Variants in GABRG3 observed in about 807,000 individuals in gnomAD.
The protein encoded by GABRG3 is gamma-aminobutyric acid receptor subunit gamma-3.
A neutral mutation model predicts 48.8 loss-of-function variants in GABRG3; 25 were observed. The ratio of observed to expected loss-of-function variants is 0.51; its 90% CI spans 0.37 to 0.72. GABRG3 has a LOEUF of 0.72. Among genes scored for constraint, GABRG3 ranks in the 30% least tolerant of loss-of-function variants. GABRG3 has a pLI of 0.00. For missense variants in GABRG3, 394 were observed against 577.9 expected (o/e 0.68, Z 3.26); for synonymous variants, 227 against 217.6 (o/e 1.04, Z -0.38).
At chr15:27,114,491 C>T (rs1897608008) in intron 3 of GABRG3, among the ~76,000 whole-genome samples, 1 of 152,168 alleles carries the variant, frequency 6.6e-6, no homozygotes, top group Non-Finnish European at 1.5e-5. Context: ...TTGCTTTAAT[C>T]CATAACACAT....
At chr15:27,244,357 A>T (rs570799439) in intron 3 of GABRG3, among the ~76,000 whole-genome samples, 2 of 152,256 alleles carry the variant, frequency 1.3e-5, no homozygotes, top group South Asian at 4.1e-4. Flanking sequence ...AAGGGGTAAA[A>T]AGGCAACAGA....
At chr15:27,339,879 G>A (rs1228294432) in intron 5 of GABRG3, among the ~76,000 whole-genome samples, 1 of 152,160 alleles carries the variant, frequency 6.6e-6, no homozygotes, top group Non-Finnish European at 1.5e-5. Context: ...CCATTTAGGT[G>A]ACCCTGCGTG....
intron 6 of GABRG3, among the ~76,000 whole-genome samples, chr15:27,515,444 C>T (rs541644728): frequency 1.2e-4 from 18 of 152,198 alleles, no homozygotes; most frequent in South Asian, 2.1e-4. Context: ...AGACAAGTCA[C>T]CTCAGGGCAA....
intron 3 of GABRG3, among the ~76,000 whole-genome samples, chr15:27,040,423 G>A (rs1896255899): frequency 6.6e-6 from 1 of 152,228 alleles, no homozygotes; most frequent in South Asian, 2.1e-4. Flanking sequence ...CTGGGGGTTG[G>A]ATGGGGTGGG....
intron 3 of GABRG3, among the ~76,000 whole-genome samples, chr15:27,084,938 C>T (rs756620045): frequency 3.9e-5 from 6 of 152,206 alleles, no homozygotes; most frequent in Non-Finnish European, 7.3e-5. Context: ...GTGTGAGCAC[C>T]AGCCCTAGGG....
intron 3 of GABRG3, among the ~76,000 whole-genome samples, chr15:27,108,579 G>C (rs1184310558): frequency 6.6e-6 from 1 of 152,166 alleles, no homozygotes; most frequent in Non-Finnish European, 1.5e-5. Context: ...TTCAATAACT[G>C]TCAGTTAGAT....
intron 2 of GABRG3, among the ~76,000 whole-genome samples, chr15:27,009,843 TTCTTCC>T (rs777721832): frequency 1.3e-5 from 2 of 152,148 alleles, no homozygotes; most frequent in African/African-American, 2.4e-5. Flanking sequence ...AGGCAACTTC[TTCTTCC>T]TCTTCCTCTT....
intron 5 of GABRG3, among the ~76,000 whole-genome samples, chr15:27,387,028 C>A (rs1895943677): frequency 6.6e-6 from 1 of 152,190 alleles, no homozygotes; most frequent in South Asian, 2.1e-4. Flanking sequence ...AATAATTTTA[C>A]CTTCACTTGG....
At chr15:27,038,764 G>A (rs550609741) in intron 3 of GABRG3, among the ~76,000 whole-genome samples, 57 of 152,320 alleles carry the variant, frequency 3.7e-4, no homozygotes, top group Non-Finnish European at 6.3e-4. Context: ...GAGGGTAGGG[G>A]GCAAGTGTGT....
intron 3 of GABRG3, among the ~76,000 whole-genome samples, chr15:27,082,186 T>C (rs1166419372): frequency 1.3e-5 from 2 of 152,340 alleles, no homozygotes; most frequent in African/African-American, 4.8e-5. Context: ...GAGAGAGTCC[T>C]GTATGCTGAT....
At chr15:27,070,262 A>G (rs7179648) in intron 3 of GABRG3, among the ~76,000 whole-genome samples, 31,390 of 152,194 alleles carry the variant, frequency 0.21, 3,401 homozygotes, top group Middle Eastern at 0.27. Flanking sequence ...TAATCAAATA[A>G]GGATATTGCT....
At chr15:27,416,430 G>A in intron 5 of GABRG3, among the ~76,000 whole-genome samples, 1 of 152,164 alleles carries the variant, frequency 6.6e-6, no homozygotes, top group East Asian at 1.9e-4. Flanking sequence ...GGCTGTGTTT[G>A]AACAGTATCT....
At chr15:26,991,683 T>C (rs1008718387) in intron 2 of GABRG3, among the ~76,000 whole-genome samples, 1 of 152,196 alleles carries the variant, frequency 6.6e-6, no homozygotes, top group Non-Finnish European at 1.5e-5. Context: ...GTGTAGCTAT[T>C]GTAAATGGGA....
chr15:27,060,072 A>G (rs996821929), intron 3 of GABRG3, among the ~76,000 whole-genome samples: 5 of 152,256 alleles, frequency 3.3e-5, no homozygotes, highest in African/African-American at 4.8e-5. Context: ...AATGGCAACT[A>G]CATTATTTTA....
intron 6 of GABRG3, among the ~76,000 whole-genome samples, chr15:27,516,457 C>T (rs1322512297): frequency 6.6e-6 from 1 of 152,214 alleles, no homozygotes; most frequent in East Asian, 1.9e-4. Context: ...AAAGCCCCAT[C>T]TTCTGGGAAC....
chr15:27,002,981 A>G (rs1895482007), intron 2 of GABRG3, among the ~76,000 whole-genome samples: 2 of 150,806 alleles, frequency 1.3e-5, no homozygotes, highest in South Asian at 4.2e-4. Flanking sequence ...TAAATAAAAT[A>G]AAATACAATA....
chr15:27,023,260 T>C (rs1199011714), intron 2 of GABRG3, among the ~76,000 whole-genome samples: 1 of 152,160 alleles, frequency 6.6e-6, no homozygotes, highest in Non-Finnish European at 1.5e-5. Context: ...CCTACCTTCA[T>C]ATCCCCATCT....
chr15:27,366,964 G>A (rs550873517), intron 5 of GABRG3, among the ~76,000 whole-genome samples: 3 of 152,192 alleles, frequency 2.0e-5, no homozygotes, highest in East Asian at 1.9e-4. Context: ...TGGGGGCATC[G>A]GGACCCTCTG....
At chr15:27,045,593 TGGGCATCAAG>T (rs1211322959) in intron 3 of GABRG3, among the ~76,000 whole-genome samples, 1 of 152,202 alleles carries the variant, frequency 6.6e-6, no homozygotes, top group African/African-American at 2.4e-5. Flanking sequence ...CTGCAATTGC[TGGGCATCAAG>T]GGGCATCAGC....
Sources: gnomAD v4.1 joint callset for allele counts (sites outside exome capture counted in the v4.1 genomes callset) on GRCh38, gnomAD v4.1.1 for gene constraint, MANE v1.5 for transcripts, NCBI Gene and HGNC (gene_info 2026-07-23, HGNC 2026-07-21) for gene names.